Variants in ST8SIA5 observed in about 807,000 individuals in gnomAD.
The protein encoded by ST8SIA5 is alpha-2,8-sialyltransferase 8E.
In ST8SIA5, 24 loss-of-function variants were observed where a neutral mutation model predicts 40.2. The ratio of observed to expected loss-of-function variants is 0.60; its 90% confidence interval spans 0.43 to 0.84. The LOEUF is 0.84. ST8SIA5 is among the 40% of genes least tolerant of loss of function. The probability of loss-of-function intolerance (pLI) is 0.00; values close to 1 mark genes in which losing one functional copy is unlikely to be tolerated. For synonymous variants in ST8SIA5, 198 were observed against 201.8 expected, an observed-to-expected ratio of 0.98 and a Z score of 0.16; for missense variants, 465 against 498.5, an observed-to-expected ratio of 0.93 and a Z score of 0.64.
intron 2 of ST8SIA5, among the ~76,000 whole-genome samples, chr18:46,699,641 A>C (rs935124288): frequency 1.3e-5 from 2 of 152,108 alleles, no homozygotes; most frequent in African/African-American, 4.8e-5. Flanking sequence ...GGCCTCCCAA[A>C]GTGCTGTGAT....
chr18:46,756,681 C>G lies in ST8SIA5; in HGVS notation c.-173G>C, dbSNP rs2040252616. The G allele has an allele frequency of 4.2e-6, 3 of 718,860 alleles. No homozygotes were observed. The highest frequency in any genetic ancestry group is 6.8e-5 in the Admixed American group (2 of 29,418). The allele number at this position is 718,860 out of a possible 1,614,324, so 44.5% of individuals were successfully genotyped here. On this transcript the variant is annotated 5_prime_UTR_variant, in exon 1 of 7. Transcript: ENST00000315087. ...TGGCGCGGCCGGAGCTGGGGGCATC[C>G]AAGCGTCGCAGGCGCTGGGGCGGCA...
Position 46,689,726 on chromosome 18 carries a change from A to T in ST8SIA5, c.312-807T>A, listed in dbSNP as rs544127544. On this transcript the variant is annotated intron_variant, in intron 3 of 6. Transcript: ENST00000315087. ...GTAGCTGGGATTACAGGCAAGCACC[A>T]CCATGCCTGGCTAATTTTTTTTTTT... Among the ~76,000 whole-genome samples, 384 of 147,760 alleles carry T rather than the reference A, an allele frequency of 2.6e-3. 4 individuals carry two copies. The highest frequency in any genetic ancestry group is 9.4e-3 in the African/African-American group (375 of 40,008).
At chr18:46,720,407 A>G (rs1865002272) in intron 1 of ST8SIA5, among the ~76,000 whole-genome samples, 1 of 152,130 alleles carries the variant, frequency 6.6e-6, no homozygotes. Context: ...ACAGCGTGCG[A>G]CCATCCCCAC....
intron 4 of ST8SIA5, among the ~76,000 whole-genome samples, chr18:46,688,541 G>A (rs1019971572): frequency 5.9e-5 from 9 of 152,218 alleles, no homozygotes; most frequent in Middle Eastern, 3.4e-3. Context: ...TCACTTTCTC[G>A]CCAAAAGTCA....
At chr18:46,701,984 T>C (rs4890682) in intron 2 of ST8SIA5, among the ~76,000 whole-genome samples, 22,455 of 151,890 alleles carry the variant, frequency 0.15, 2,120 homozygotes, top group Middle Eastern at 0.28. Flanking sequence ...CCGTATCTAC[T>C]AAAAATATAA....
rs543238833 is a variant in ST8SIA5, at chr18:46,703,565, C to T, written c.224+1007G>A. On this transcript the variant is annotated intron_variant, in intron 2 of 6. Transcript: ENST00000315087. ...CAGCTTTAGATCTCAGGTCTGCCCA[C>T]CCCAAAACCCATGCTCTTCCCCTGA... 2.0e-5 allele frequency among the ~76,000 whole-genome samples: 3 copies of T among 152,182 alleles called. No homozygotes were observed. The East Asian group carries it at 5.8e-4, about 29-fold the overall frequency.
intron 1 of ST8SIA5, among the ~76,000 whole-genome samples, chr18:46,707,604 G>C (rs755286778): frequency 1.3e-5 from 2 of 152,172 alleles, no homozygotes; most frequent in African/African-American, 2.4e-5. Context: ...GAGGCTTTCA[G>C]AACTGGGTTC....
At chr18:46,714,570 G>A (rs10502877) in intron 1 of ST8SIA5, among the ~76,000 whole-genome samples, 23,929 of 152,132 alleles carry the variant, frequency 0.16, 1,986 homozygotes, top group South Asian at 0.23. Context: ...GGCCTCCTCA[G>A]TTTACAGGAA....
chr18:46,677,125 C>T lies in ST8SIA5; in HGVS notation c.*2917G>A, dbSNP rs1227914860. On this transcript the variant is annotated 3_prime_UTR_variant, in exon 7 of 7. Transcript: ENST00000315087. ...GGTTAGGGAGAGGCACCTATAAGCA[C>T]AGGCTGCTTCCCGGACGATGACAGC... 3 of 152,266 alleles carry T rather than the reference C, an allele frequency of 2.0e-5. No individual in the cohort carries two copies. 9.4% of individuals were successfully genotyped at this position (152,266 alleles called of 1,614,324 possible).
At chr18:46,736,305 C>T (rs540585000) in intron 1 of ST8SIA5, among the ~76,000 whole-genome samples, 1 of 152,120 alleles carries the variant, frequency 6.6e-6, no homozygotes, top group Admixed American at 6.5e-5. Context: ...AAAGGGCACA[C>T]AATGGATGCT....
At position 46,669,648 on chromosome 18, in the gene ST8SIA5, T is replaced by A. The variant is rs1358891481; in HGVS notation, c.*10394A>T. 1 of 151,958 alleles carries A rather than the reference T, an allele frequency of 6.6e-6. No individual in the cohort carries two copies. Among genetic ancestry groups the A allele is most frequent in the African/African-American group, 2.4e-5 (1 of 41,312 alleles). The allele number at this position is 151,958 out of a possible 1,614,324, so 9.4% of individuals were successfully genotyped here. A position where few individuals can be genotyped will look rare whatever the true frequency, so the allele number is the denominator to read the frequency against. On this transcript the variant is annotated 3_prime_UTR_variant, in exon 7 of 7. Coordinates refer to ENST00000315087, the MANE Select transcript of ST8SIA5 (RefSeq NM_013305.6). ...AGAAAGAGGATGATCAGCCACACCA[T>A]CACCCACACTGCAAAGTCCCTTGGA...
In ST8SIA5 at chr18:46,688,860, G is replaced by C; in HGVS notation, c.371C>G (p.Thr124Ser). The C allele has an allele frequency of 3.7e-6, 6 of 1,614,190 alleles. No homozygotes were observed. Among genetic ancestry groups the C allele is most frequent in the Non-Finnish European group, 4.2e-6 (5 of 1,180,022 alleles). The change falls in exon 4 of 7, where the codon ACT becomes AGT. Residue 124 changes from threonine (T) to serine (S), a missense_variant. Transcript: ENST00000315087. Reference sequence around the variant, plus strand: ...ATACTTGAGCTTTGTCCCCAGGGGAGTGTTCTTCTGGGTGGTGAAGAGAAA... The same window carrying C: ...ATACTTGAGCTTTGTCCCCAGGGGACTGTTCTTCTGGGTGGTGAAGAGAAA... The part of the protein sequence containing the change: ...PAFLFTTQKN[T>S]PLGTKLKYEV...
chr18:46,681,914 G>GC (rs1253180164), intron 6 of ST8SIA5, 58 bp downstream of exon 6: 1 of 1,551,892 alleles, frequency 6.4e-7, no homozygotes, highest in Non-Finnish European at 8.8e-7. Context: ...CCCAGTAGCC[G>GC]CATGTGACTA....
intron 1 of ST8SIA5, among the ~76,000 whole-genome samples, chr18:46,738,226 G>A (rs2040053647): frequency 7.0e-6 from 1 of 142,562 alleles, no homozygotes. Context: ...TCTCTAAGAG[G>A]TAAATCCCTG....
At chr18:46,732,227 T>C (rs886971451) in intron 1 of ST8SIA5, among the ~76,000 whole-genome samples, 3 of 152,210 alleles carry the variant, frequency 2.0e-5, no homozygotes, top group African/African-American at 7.2e-5. Context: ...ACCCCAGTCC[T>C]GTGAGGGAGA....
rs1433215589 is a variant in ST8SIA5, at chr18:46,668,075, G to C, written c.*11967C>G. On this transcript the variant is annotated 3_prime_UTR_variant, in exon 7 of 7. Transcript: ENST00000315087. ...CCATGTCCCCAAACTGTCTTTGAAT[G>C]GCACAGCCTTTCTCTCCAGGGCCAG... is the stretch of plus-strand genomic sequence containing the variant. The C allele has an allele frequency of 6.6e-6, 1 of 152,264 alleles. No homozygotes were observed. Among genetic ancestry groups the C allele is most frequent in the African/African-American group, 2.4e-5 (1 of 41,452 alleles). The allele number at this position is 152,264 out of a possible 1,614,324, so 9.4% of individuals were successfully genotyped here.
At chr18:46,746,488 T>C (rs950194570) in intron 1 of ST8SIA5, among the ~76,000 whole-genome samples, 2 of 151,894 alleles carry the variant, frequency 1.3e-5, no homozygotes, top group African/African-American at 4.8e-5. Flanking sequence ...GAGAATAAAA[T>C]ACCTAGGAAT....
At chr18:46,700,591 C>A (rs2039602808) in intron 2 of ST8SIA5, among the ~76,000 whole-genome samples, 1 of 152,160 alleles carries the variant, frequency 6.6e-6, no homozygotes, top group Admixed American at 6.5e-5. Flanking sequence ...ACACTCATGC[C>A]CCAGGAACAG....
At chr18:46,724,243 C>T (rs1381372417) in intron 1 of ST8SIA5, among the ~76,000 whole-genome samples, 1 of 152,262 alleles carries the variant, frequency 6.6e-6, no homozygotes, top group Non-Finnish European at 1.5e-5. Context: ...CTTAGTCTCC[C>T]AGCCAGACCC....
Sources: allele counts gnomAD v4.1 joint callset (sites outside exome capture counted in the v4.1 genomes callset), GRCh38; gene constraint gnomAD v4.1.1; transcripts MANE v1.5; gene names NCBI Gene and HGNC (gene_info 2026-07-23, HGNC 2026-07-21).